The following PINX1 variants were observed in gnomAD, a reference collection of about 807,000 sequenced individuals.
PINX1 encodes PIN2 (TERF1) interacting telomerase inhibitor 1, also known as PIN2/TERF1-interacting telomerase inhibitor 1.
Under a neutral mutation model 25.4 loss-of-function variants are expected in PINX1, and 34 were observed. The observed-to-expected ratio is 1.34, with a 90% confidence interval of 1.02 to 1.78. The LOEUF (loss-of-function observed/expected upper bound fraction) is 1.78, where lower values mean the gene tolerates loss of function less well. PINX1 is among the 40% of genes most tolerant of loss of function. The pLI, the probability that PINX1 is intolerant of heterozygous loss-of-function variation, is 0.00. For missense variants in PINX1, 592 were observed against 404.9 expected (o/e 1.46, Z -3.97); for synonymous variants, 197 against 147.7 (o/e 1.33, Z -2.42).
chr8:10,796,762 A>G (rs1257832883), intron 6 of PINX1, among the ~76,000 whole-genome samples: 1 of 152,116 alleles, frequency 6.6e-6, no homozygotes, highest in East Asian at 1.9e-4. Context: ...CAGTCAAAAA[A>G]GTAACATTAA....
At position 10,771,799 on chromosome 8, in the gene PINX1, C is replaced by G. The variant is rs774855641; in HGVS notation, c.472-5883G>C. On this transcript the variant is annotated intron_variant, in intron 6 of 6. Coordinates refer to ENST00000314787, the MANE Select transcript of PINX1 (RefSeq NM_017884.6). ...CATTTTGAGTGCAGATTCCTCCCAT[C>G]CACATGAAACCACCCCCTTCTCATC... Among the ~76,000 whole-genome samples, 3 of 152,192 alleles carry G rather than the reference C, an allele frequency of 2.0e-5. 1 individual carries two copies. Among genetic ancestry groups the G allele is most frequent in the Non-Finnish European group, 4.4e-5 (3 of 68,038 alleles).
At chr8:10,834,886 C>G in intron 1 of PINX1, 111 bp from the exon 2 acceptor site, 1 of 688,304 alleles carries the variant, frequency 1.5e-6, no homozygotes. Flanking sequence ...TAAAATATGA[C>G]ATACATTACA....
At chr8:10,839,567 G>T (rs1428323025) in intron 1 of PINX1, 171 bp downstream of exon 1, 7 of 649,128 alleles carry the variant, frequency 1.1e-5, no homozygotes, top group Non-Finnish European at 2.6e-6. Context: ...CAACTTTCGG[G>T]GAGCTCTGCG....
intron 4 of PINX1, among the ~76,000 whole-genome samples, chr8:10,827,086 T>C (rs1798075011): frequency 6.6e-6 from 1 of 152,218 alleles, no homozygotes; most frequent in Non-Finnish European, 1.5e-5. Flanking sequence ...GCCACAGCAA[T>C]GTAATGTCTC....
intron 6 of PINX1, among the ~76,000 whole-genome samples, chr8:10,794,720 G>A (rs570373629): frequency 7.0e-4 from 107 of 152,320 alleles, no homozygotes; most frequent in Admixed American, 1.8e-3. Context: ...GAGCCACTGC[G>A]CTCAGCTGCT....
rs542229247 is a variant in PINX1 at position 10,837,210 on chromosome 8, G to A, written c.20-2435C>T. Among the ~76,000 whole-genome samples, 21 of 152,290 alleles carry A rather than the reference G, an allele frequency of 1.4e-4. No individual in the cohort carries two copies. In the South Asian group the frequency reaches 4.4e-3, roughly 32 times the overall value. ...AATTTTGGTGCCTCCCAGGTAGAGG[G>A]TGTCTATGTGACCAGGCCCCAGGAA... On this transcript the variant is annotated intron_variant, in intron 1 of 6. Coordinates refer to ENST00000314787, the MANE Select transcript of PINX1 (RefSeq NM_017884.6).
At chr8:10,799,962 T>G (rs1429084202) in intron 6 of PINX1, among the ~76,000 whole-genome samples, 1 of 152,172 alleles carries the variant, frequency 6.6e-6, no homozygotes, top group Non-Finnish European at 1.5e-5. Context: ...CTCAGAAAGG[T>G]TAAATTCCTG....
At chr8:10,809,354 G>C (rs984229326) in intron 6 of PINX1, among the ~76,000 whole-genome samples, 1 of 152,212 alleles carries the variant, frequency 6.6e-6, no homozygotes, top group African/African-American at 2.4e-5. Flanking sequence ...TTTCTGAAGA[G>C]CAATAATTTA....
At chr8:10,808,936 TA>T (rs1802539910) in intron 6 of PINX1, among the ~76,000 whole-genome samples, 1 of 152,222 alleles carries the variant, frequency 6.6e-6, no homozygotes, top group Non-Finnish European at 1.5e-5. Context: ...AAACTGTAGT[TA>T]AAAAATGACT....
At chr8:10,817,970 T>C (rs953810915) in intron 6 of PINX1, among the ~76,000 whole-genome samples, 8 of 152,228 alleles carry the variant, frequency 5.3e-5, no homozygotes, top group African/African-American at 1.9e-4. Context: ...TTTTGTAATA[T>C]AGATACCTGG....
chr8:10,786,167 T>C (rs774511836), intron 6 of PINX1, among the ~76,000 whole-genome samples: 1 of 152,260 alleles, frequency 6.6e-6, no homozygotes, highest in Non-Finnish European at 1.5e-5. Context: ...TTCTTAATCA[T>C]TTGTTCACTT....
Position 10,839,843 on chromosome 8 carries a change from G to T in PINX1, c.-87C>A. 7.6e-7 allele frequency: 1 copy of T among 1,315,170 alleles called. No homozygotes were observed. The highest frequency in any genetic ancestry group is 1.1e-6 in the Non-Finnish European group (1 of 944,830). The allele number at this position is 1,315,170 out of a possible 1,614,324, so 81.5% of individuals were successfully genotyped here. On this transcript the variant is annotated 5_prime_UTR_variant, in exon 1 of 7. Coordinates refer to ENST00000314787, the MANE Select transcript of PINX1 (RefSeq NM_017884.6). ...GGAGACTCCAGGAGAATCAGGACGT[G>T]CGTAACTCCCTCGCCGGCGGACTGC... is the stretch of plus-strand genomic sequence containing the variant.
chr8:10,831,626 A>T (rs377354867), intron 4 of PINX1, 39 bp downstream of exon 4: 16 of 1,252,132 alleles, frequency 1.3e-5, no homozygotes, highest in Non-Finnish European at 1.7e-5. Flanking sequence ...GTAGATAAAC[A>T]TATTTGCATT....
chr8:10,774,462 G>T (rs1169034524), intron 6 of PINX1, among the ~76,000 whole-genome samples: 2 of 152,022 alleles, frequency 1.3e-5, no homozygotes, highest in Non-Finnish European at 1.5e-5. Context: ...TGTATTTTTA[G>T]TAGAGACAGG....
chr8:10,810,101 CA>C (rs1317013801), intron 6 of PINX1, among the ~76,000 whole-genome samples: 1 of 152,130 alleles, frequency 6.6e-6, no homozygotes, highest in East Asian at 1.9e-4. Flanking sequence ...CATTCATTAC[CA>C]TGAGGATATC....
At chr8:10,801,877 G>C in intron 6 of PINX1, among the ~76,000 whole-genome samples, 2 of 152,272 alleles carry the variant, frequency 1.3e-5, no homozygotes, top group Middle Eastern at 6.8e-3. Context: ...CACGGGTATC[G>C]TCCTGGCCCC....
At position 10,834,758 on chromosome 8, in the gene PINX1, A is replaced by C. The variant is rs753664198; in HGVS notation, c.37T>G (p.Trp13Gly). The C allele has an allele frequency of 1.2e-6, 2 of 1,613,196 alleles. No homozygotes were observed. Among genetic ancestry groups the C allele is most frequent in the Non-Finnish European group, 1.7e-6 (2 of 1,179,620 alleles). Residue 13 changes from tryptophan (W) to glycine (G), a missense_variant, in exon 2 of 7, where the codon TGG becomes GGG. Coordinates refer to ENST00000314787, the MANE Select transcript of PINX1 (RefSeq NM_017884.6). ...MLAERRRKQK[W>G]AVDPQNTAWS... ...GCAGTGTTCTGAGGATCCACAGCCC[A>C]CTTCTGCTTCCGCCGACCTGTAAAT...
intron 5 of PINX1, among the ~76,000 whole-genome samples, chr8:10,825,051 G>C (rs1321531977): frequency 6.6e-6 from 1 of 152,148 alleles, no homozygotes; most frequent in Non-Finnish European, 1.5e-5. Context: ...ACGGCTGCTG[G>C]AGAGGGAAGG....
chr8:10,793,938 G>C (rs1586160162), intron 6 of PINX1, among the ~76,000 whole-genome samples: 1 of 152,252 alleles, frequency 6.6e-6, no homozygotes, highest in East Asian at 1.9e-4. Flanking sequence ...GATTCAAAGA[G>C]GCGACAAAAT....
Sources: allele counts gnomAD v4.1 joint callset (sites outside exome capture counted in the v4.1 genomes callset), GRCh38; gene constraint gnomAD v4.1.1; transcripts MANE v1.5; gene names NCBI Gene and HGNC (gene_info 2026-07-23, HGNC 2026-07-21).